TBC1D15: variants seen among roughly 807,000 people sequenced by gnomAD.
TBC1D15 encodes TBC1 domain family member 15.
Under a neutral mutation model 95.4 loss-of-function variants are expected in TBC1D15, and 39 were observed. That is an observed-to-expected ratio of 0.41 (90% CI 0.32 to 0.53). The LOEUF (loss-of-function observed/expected upper bound fraction) is 0.53. Ranked by LOEUF, TBC1D15 falls within the 20% of genes least tolerant of loss-of-function variation. The probability of loss-of-function intolerance (pLI) is 0.29; values close to 1 mark genes in which losing one functional copy is unlikely to be tolerated. For synonymous variants in TBC1D15, 258 were observed against 261.3 expected (o/e 0.99, Z 0.12); for missense variants, 733 against 794.3 (o/e 0.92, Z 0.93).
chr12:71,870,346 C>A (rs775810229), intron 1 of TBC1D15, among the ~76,000 whole-genome samples: 16 of 151,954 alleles, frequency 1.1e-4, no homozygotes, highest in African/African-American at 1.9e-4. Context: ...TAAAATTTTT[C>A]ATCTCTGTAC....
chr12:71,858,234 G>A (rs1889561757), intron 1 of TBC1D15, among the ~76,000 whole-genome samples: 1 of 151,962 alleles, frequency 6.6e-6, no homozygotes, highest in Non-Finnish European at 1.5e-5. Context: ...CACCACGCAT[G>A]GCTTATTTTG....
At position 71,880,504 on chromosome 12, in the gene TBC1D15, A is replaced by G; in HGVS notation, c.240A>G (p.Pro80=). The G allele has an allele frequency of 6.2e-7, 1 of 1,610,068 alleles. No individual in the cohort carries two copies. The highest frequency in any genetic ancestry group is 8.5e-7 in the Non-Finnish European group (1 of 1,177,568). Residue 80 remains proline (P), a synonymous_variant, in exon 4 of 17, where the codon CCA becomes CCG. Coordinates refer to ENST00000485960, the MANE Select transcript of TBC1D15 (RefSeq NM_001146213.3). ...CAGTTGTAGAATGGACTCAGGCCCC[A>G]AAAGAAAGAGGTCATCGAGGATCAG... ...SSSVVEWTQA[P]KERGHRGSEH...
At chr12:71,913,030 T>TAAA (rs1243662898) in intron 11 of TBC1D15, among the ~76,000 whole-genome samples, 2 of 152,108 alleles carry the variant, frequency 1.3e-5, no homozygotes, top group Non-Finnish European at 2.9e-5. Context: ...TTTCTTATTT[T>TAAA]TAAGTGAGGG....
intron 1 of TBC1D15, among the ~76,000 whole-genome samples, chr12:71,866,777 T>C (rs1431339897): frequency 1.3e-5 from 2 of 152,158 alleles, no homozygotes; most frequent in Non-Finnish European, 2.9e-5. Context: ...TTTGTTAAAA[T>C]GTAGTTGTTT....
intron 1 of TBC1D15, chr12:71,849,583 T>TA: frequency 1.5e-6 from 1 of 652,766 alleles, no homozygotes. Flanking sequence ...ATGAAAATAA[T>TA]ACTTTGTGAA....
intron 1 of TBC1D15, among the ~76,000 whole-genome samples, chr12:71,846,185 A>G (rs1369959592): frequency 1.3e-5 from 2 of 152,226 alleles, no homozygotes; most frequent in Non-Finnish European, 2.9e-5. Context: ...TATCTGACAT[A>G]GCTCCTTTGC....
intron 16 of TBC1D15, among the ~76,000 whole-genome samples, chr12:71,922,574 C>G (rs768096419): frequency 1.6e-4 from 25 of 152,152 alleles, no homozygotes; most frequent in Admixed American, 1.3e-4. Flanking sequence ...TGGTTCAGTT[C>G]TACAAACATT....
chr12:71,904,502 G>T (rs1369429862), intron 10 of TBC1D15, among the ~76,000 whole-genome samples: 1 of 152,178 alleles, frequency 6.6e-6, no homozygotes, highest in Non-Finnish European at 1.5e-5. Flanking sequence ...AATACTATGG[G>T]AATGGTACAG....
rs150567893 is a variant in TBC1D15, at chr12:71,865,670, T to TA, written c.31-6400_31-6399insA. On this transcript the variant is annotated intron_variant, in intron 1 of 16. Transcript: ENST00000485960. The stretch of plus-strand genomic sequence containing the variant: ...AGCAGCTTAGACTCTGGAGTGCTAA[T>TA]CCAGCTCCAGGGAAGCAAGGTACTA... Among the ~76,000 whole-genome samples the TA allele has an allele frequency of 8.9e-4, 136 of 152,234 alleles. 1 individual carries two copies. The East Asian group carries it at 0.02, about 22-fold the overall frequency.
At chr12:71,903,495 G>A (rs991005579) in intron 10 of TBC1D15, among the ~76,000 whole-genome samples, 5 of 152,108 alleles carry the variant, frequency 3.3e-5, no homozygotes, top group African/African-American at 1.2e-4. Flanking sequence ...ACTACCATTC[G>A]ACCCAGCAAT....
At chr12:71,868,651 GCAA>G (rs1292394761) in intron 1 of TBC1D15, among the ~76,000 whole-genome samples, 1 of 152,142 alleles carries the variant, frequency 6.6e-6, no homozygotes, top group Non-Finnish European at 1.5e-5. Flanking sequence ...AAAAAAATAG[GCAA>G]CACTTAACCA....
chr12:71,864,746 C>T (rs1891122190), intron 1 of TBC1D15, among the ~76,000 whole-genome samples: 1 of 152,058 alleles, frequency 6.6e-6, no homozygotes, highest in Non-Finnish European at 1.5e-5. Flanking sequence ...ACCTTGTGAT[C>T]CACCTGCCTT....
intron 10 of TBC1D15, among the ~76,000 whole-genome samples, chr12:71,903,166 G>A (rs766184099): frequency 2.0e-5 from 3 of 152,046 alleles, no homozygotes; most frequent in African/African-American, 7.3e-5. Flanking sequence ...CACCTGCCTT[G>A]GCCTCCCAAA....
At chr12:71,842,411 A>C (rs1427746885) in intron 1 of TBC1D15, among the ~76,000 whole-genome samples, 2 of 152,192 alleles carry the variant, frequency 1.3e-5, no homozygotes, top group African/African-American at 4.8e-5. Flanking sequence ...TTAATGAGTA[A>C]ATATATTAGA....
At chr12:71,876,910 A>G (rs945305285) in intron 3 of TBC1D15, among the ~76,000 whole-genome samples, 3 of 151,164 alleles carry the variant, frequency 2.0e-5, no homozygotes, top group African/African-American at 7.3e-5. Context: ...TCCTGGATTC[A>G]GGTGATTCTC....
At chr12:71,912,659 A>G (rs1448800087) in intron 11 of TBC1D15, among the ~76,000 whole-genome samples, 1 of 152,118 alleles carries the variant, frequency 6.6e-6, no homozygotes, top group Non-Finnish European at 1.5e-5. Context: ...TAGCAGAACT[A>G]TCTCCTCCCT....
At chr12:71,848,493 T>C (rs2137875759) in intron 1 of TBC1D15, among the ~76,000 whole-genome samples, 1 of 152,366 alleles carries the variant, frequency 6.6e-6, no homozygotes, top group Non-Finnish European at 1.5e-5. Context: ...TCTTCTTTGA[T>C]GAAGTGTCTG....
At chr12:71,906,187 TAA>T (rs1213900263) in intron 10 of TBC1D15, among the ~76,000 whole-genome samples, 1 of 152,206 alleles carries the variant, frequency 6.6e-6, no homozygotes, top group Non-Finnish European at 1.5e-5. Context: ...CATCTCTTTG[TAA>T]AGAGTTTTGA....
chr12:71,906,255 A>G (rs1900687604), intron 10 of TBC1D15, among the ~76,000 whole-genome samples: 1 of 152,222 alleles, frequency 6.6e-6, no homozygotes, highest in Admixed American at 6.5e-5. Flanking sequence ...ACTTTTAAAC[A>G]ATTGATTCTA....
Sources: allele counts gnomAD v4.1 joint callset (sites outside exome capture counted in the v4.1 genomes callset), GRCh38; gene constraint gnomAD v4.1.1; transcripts MANE v1.5; gene names NCBI Gene and HGNC (gene_info 2026-07-23, HGNC 2026-07-21).